HDAC9: variants seen among roughly 807,000 people sequenced by gnomAD.
The protein encoded by HDAC9 is MEF-2 interacting transcription repressor (MITR) protein.
Under a neutral mutation model 139.4 loss-of-function variants are expected in HDAC9, and 41 were observed. The ratio of observed to expected loss-of-function variants is 0.29; its 90% CI spans 0.23 to 0.38. The LOEUF (loss-of-function observed/expected upper bound fraction) is 0.38. HDAC9 is among the 10% of genes least tolerant of loss of function. The pLI is 1.00. For synonymous variants in HDAC9, 517 were observed against 476.2 expected, an observed-to-expected ratio of 1.09 and a Z score of -1.12; for missense variants, 1,147 against 1,297.0, an observed-to-expected ratio of 0.88 and a Z score of 1.78.
intron 14 of HDAC9, among the ~76,000 whole-genome samples, chr7:18,758,232 G>T (rs565509184): frequency 1.3e-5 from 2 of 152,164 alleles, no homozygotes; most frequent in East Asian, 3.9e-4. Context: ...TATTTGCATT[G>T]TGTGCCCCAA....
intron 1 of HDAC9, among the ~76,000 whole-genome samples, chr7:18,092,415 A>T (rs527300259): frequency 7.5e-4 from 86 of 115,056 alleles, no homozygotes; most frequent in African/African-American, 1.2e-3. Context: ...TTTTTTTTAA[A>T]AAAAAGAACC....
chr7:18,304,324 C>G (rs1798772195), intron 1 of HDAC9, among the ~76,000 whole-genome samples: 1 of 152,196 alleles, frequency 6.6e-6, no homozygotes, highest in Non-Finnish European at 1.5e-5. Flanking sequence ...AGGTTTAGAG[C>G]TGGTACTGAT....
intron 2 of HDAC9, among the ~76,000 whole-genome samples, chr7:18,179,059 G>A (rs1238065900): frequency 6.6e-6 from 1 of 152,162 alleles, no homozygotes; most frequent in East Asian, 1.9e-4. Flanking sequence ...ACTTTGGAAT[G>A]TATCTGGTCA....
intron 1 of HDAC9, among the ~76,000 whole-genome samples, chr7:18,374,170 A>C (rs181539311): frequency 6.6e-6 from 1 of 151,208 alleles, no homozygotes; most frequent in Non-Finnish European, 1.5e-5. Context: ...TATGTAGTAC[A>C]TGCATAAATC....
At chr7:18,474,838 AGAG>A (rs1794990787) in intron 1 of HDAC9, among the ~76,000 whole-genome samples, 1 of 152,082 alleles carries the variant, frequency 6.6e-6, no homozygotes, top group Non-Finnish European at 1.5e-5. Flanking sequence ...GAAAGAGAGG[AGAG>A]GAGAAGGGTG....
At chr7:18,293,247 A>T (rs34060940) in intron 1 of HDAC9, among the ~76,000 whole-genome samples, 30,731 of 152,056 alleles carry the variant, frequency 0.2, 3,196 homozygotes, top group Non-Finnish European at 0.22. Flanking sequence ...AGGGAATTGC[A>T]GCTGCCAGTG....
At chr7:18,123,371 A>C (rs1784471271) in intron 1 of HDAC9, among the ~76,000 whole-genome samples, 1 of 152,244 alleles carries the variant, frequency 6.6e-6, no homozygotes, top group Non-Finnish European at 1.5e-5. Context: ...AACAGGTGGC[A>C]TTCAAAAGTT....
At chr7:18,261,397 G>T (rs1329310826) in intron 2 of HDAC9, among the ~76,000 whole-genome samples, 1 of 152,120 alleles carries the variant, frequency 6.6e-6, no homozygotes, top group Non-Finnish European at 1.5e-5. Flanking sequence ...TGTGAATCCA[G>T]TACTGCAACT....
intron 1 of HDAC9, among the ~76,000 whole-genome samples, chr7:18,390,090 A>ACACC (rs1786329366): frequency 1.3e-5 from 2 of 148,798 alleles, no homozygotes; most frequent in African/African-American, 5.2e-5. Context: ...ACACACACAC[A>ACACC]CACACGTCGT....
intron 23 of HDAC9, among the ~76,000 whole-genome samples, chr7:18,939,715 A>T (rs1055150720): frequency 1.3e-5 from 2 of 152,240 alleles, no homozygotes; most frequent in African/African-American, 2.4e-5. Context: ...GTAGGTAAAA[A>T]AATACAAAAG....
At chr7:18,851,986 C>A (rs1797333643) in intron 21 of HDAC9, among the ~76,000 whole-genome samples, 1 of 152,162 alleles carries the variant, frequency 6.6e-6, no homozygotes, top group Non-Finnish European at 1.5e-5. Flanking sequence ...ACCTTAGGAA[C>A]CAAGGATTGT....
intron 2 of HDAC9, among the ~76,000 whole-genome samples, chr7:18,246,551 T>C (rs926069624): frequency 1.3e-5 from 2 of 152,090 alleles, no homozygotes; most frequent in African/African-American, 4.8e-5. Context: ...ATTCCTAATC[T>C]TCTTTCTACT....
chr7:18,429,925 C>G (rs776443990), intron 1 of HDAC9, among the ~76,000 whole-genome samples: 29 of 152,084 alleles, frequency 1.9e-4, no homozygotes, highest in Non-Finnish European at 3.5e-4. Flanking sequence ...GCCTAAGGGA[C>G]TACAATGTAA....
At chr7:18,567,212 C>G (rs1299955651) in intron 2 of HDAC9, among the ~76,000 whole-genome samples, 1 of 152,234 alleles carries the variant, frequency 6.6e-6, no homozygotes, top group East Asian at 1.9e-4. Flanking sequence ...CCAAGACAGG[C>G]CTGATGTGGC....
At chr7:18,287,282 AAAAAT>A (rs538005904), upstream of HDAC9, among the ~76,000 whole-genome samples, 253 of 152,348 alleles carry the variant, frequency 1.7e-3, no homozygotes, top group Non-Finnish European at 2.8e-3. Flanking sequence ...AGAAAAATGA[AAAAAT>A]AATATATTCT....
At chr7:18,552,221 TG>T (rs1194903036) in intron 2 of HDAC9, among the ~76,000 whole-genome samples, 1 of 152,206 alleles carries the variant, frequency 6.6e-6, no homozygotes, top group African/African-American at 2.4e-5. Context: ...GGTTTATAGG[TG>T]GAAATATAAA....
chr7:18,162,708 A>G (rs1010562252), intron 2 of HDAC9: 2 of 195,752 alleles, frequency 1.0e-5, no homozygotes, highest in African/African-American at 4.7e-5. Flanking sequence ...ATGCTTTTAA[A>G]TTATACTGTG....
Position 18,767,117 on chromosome 7 carries a change from C to A in HDAC9, c.2176C>A (p.Gln726Lys). ...DPRILLGDDS[Q>K]KFFSSLPCGG... is the part of the protein sequence containing the mutation. ...TTCTTACTGTATAGGTGATGACTCT[C>A]AAAAGTTTTTTTCCTCATTACCTTG... The change falls in exon 16 of 26, where the codon CAA becomes AAA. Residue 726 changes from glutamine (Q) to lysine (K), a missense_variant. Physicochemically the swap from Gln to Lys is moderately conservative, Grantham distance 53. Around this residue, in one of 7 missense-constraint regions of HDAC9, gnomAD observed 407 missense variants for 521.5 expected, o/e 0.78. Coordinates refer to ENST00000686413, the MANE Select transcript of HDAC9 (RefSeq NM_178425.4). 6.4e-7 allele frequency: 1 copy of A among 1,567,298 alleles called. No homozygotes were observed. Among genetic ancestry groups the A allele is most frequent in the South Asian group, 1.2e-5 (1 of 85,220 alleles).
At chr7:18,690,288 T>C (rs1270262015) in intron 12 of HDAC9, among the ~76,000 whole-genome samples, 2 of 152,048 alleles carry the variant, frequency 1.3e-5, no homozygotes, top group Non-Finnish European at 2.9e-5. Flanking sequence ...CAATTTGCAT[T>C]TATGAAACTA....
Sources: gnomAD v4.1 joint callset for allele counts (sites outside exome capture counted in the v4.1 genomes callset) on GRCh38, gnomAD v4.1.1 for gene constraint, gnomAD v4.1.1 regional missense constraint, MANE v1.5 for transcripts, NCBI Gene and HGNC (gene_info 2026-07-23, HGNC 2026-07-21) for gene names.